The following COL24A1 variants were observed in gnomAD, a reference collection of about 807,000 sequenced individuals.
COL24A1 encodes collagen type XXIV alpha 1 chain, also known as collagen alpha-1(XXIV) chain.
Under a neutral mutation model 253.9 loss-of-function variants are expected in COL24A1, and 224 were observed. The observed-to-expected ratio is 0.88, with a 90% CI of 0.79 to 0.99. The LOEUF (loss-of-function observed/expected upper bound fraction) is 0.99. Ranked by LOEUF, COL24A1 falls within the 50% of genes least tolerant of loss-of-function variation. The probability of loss-of-function intolerance (pLI) is 0.00; values close to 1 mark genes in which losing one functional copy is unlikely to be tolerated. For synonymous variants in COL24A1, 685 were observed against 673.7 expected (o/e 1.02, Z -0.26); for missense variants, 2,131 against 2,068.5 (o/e 1.03, Z -0.59).
At chr1:86,013,523 G>T (rs1306159144) in intron 19 of COL24A1, among the ~76,000 whole-genome samples, 2 of 152,168 alleles carry the variant, frequency 1.3e-5, no homozygotes, top group Non-Finnish European at 2.9e-5. Context: ...TCAGGCAAAA[G>T]CCTCTTACAT....
chr1:85,778,069 C>CT (rs1553173095), intron 52 of COL24A1, among the ~76,000 whole-genome samples: 9 of 109,926 alleles, frequency 8.2e-5, no homozygotes, highest in Non-Finnish European at 1.2e-4. Flanking sequence ...ATCTATCTAT[C>CT]ATCTATCTCT....
intron 5 of COL24A1, among the ~76,000 whole-genome samples, chr1:86,108,613 T>G (rs1705220143): frequency 3.2e-5 from 2 of 61,558 alleles, no homozygotes; most frequent in African/African-American, 6.8e-5. Flanking sequence ...AGAAACCCCA[T>G]CTCTACTAAA....
chr1:85,814,911 G>A (rs539134399), intron 47 of COL24A1, among the ~76,000 whole-genome samples: 1 of 152,186 alleles, frequency 6.6e-6, no homozygotes, highest in African/African-American at 2.4e-5. Context: ...CTAATATCTG[G>A]ATTAGTAGTA....
chr1:86,131,541 G>A (rs1441897632), intron 2 of COL24A1, among the ~76,000 whole-genome samples: 1 of 134,610 alleles, frequency 7.4e-6, no homozygotes, highest in Non-Finnish European at 1.5e-5. Flanking sequence ...GCCCCAGTGT[G>A]TGATGTTCAC....
Position 86,017,222 on chromosome 1 carries a change from G to T in COL24A1, c.2257-18C>A. On this transcript the variant is annotated intron_variant, in intron 18 of 59. Coordinates refer to ENST00000370571, the MANE Select transcript of COL24A1 (RefSeq NM_152890.7). ...GTTTGGCCCTAAAATGGGGGGGGAG[G>T]ATCAAAGTATAAACATAAACTTAAT... 6.5e-7 allele frequency: 1 copy of T among 1,549,876 alleles called. No homozygotes were observed. The highest frequency in any genetic ancestry group is 1.2e-5 in the South Asian group (1 of 82,022).
rs143758206 is a variant in COL24A1 at position 85,841,241 on chromosome 1, G to A, written c.3608C>T (p.Pro1203Leu). 6.2e-7 allele frequency: 1 copy of A among 1,603,822 alleles called. No homozygotes were observed. The highest frequency in any genetic ancestry group is 2.3e-5 in the East Asian group (1 of 44,120). ...PGEDSTVLGP[P>L]GPRGEPGPVG... ...ACCTACTGGTTCACCTCGAGGCCCA[G>A]GTGGTCCTAGGACTGTGCTATCTTC... Residue 1203 changes from proline to leucine, a missense_variant, in exon 42 of 60, where the codon CCT becomes CTT. Physicochemically the swap from Pro to Leu is moderately conservative, Grantham distance 98. Transcript: ENST00000370571.
intron 28 of COL24A1, among the ~76,000 whole-genome samples, chr1:85,900,412 G>A (rs1011006523): frequency 7.9e-5 from 12 of 152,154 alleles, no homozygotes; most frequent in Non-Finnish European, 1.6e-4. Flanking sequence ...GCTGAGGAGG[G>A]AGGATCACTT....
At chr1:85,943,396 T>C (rs932400326) in intron 24 of COL24A1, among the ~76,000 whole-genome samples, 3 of 152,212 alleles carry the variant, frequency 2.0e-5, no homozygotes, top group Non-Finnish European at 4.4e-5. Context: ...TATATCTGTA[T>C]ATAACCTTAT....
At position 85,862,295 on chromosome 1, in the gene COL24A1, C is replaced by T. The variant is rs1258903013; in HGVS notation, c.3300+6224G>A. ...TTGGCTCATAGAAGGTACTCAAAAA[C>T]TTCATCGAATTCACAAATGAACACA... is the stretch of plus-strand genomic sequence containing the variant. On this transcript the variant is annotated intron_variant, in intron 37 of 59. Coordinates refer to ENST00000370571, the MANE Select transcript of COL24A1 (RefSeq NM_152890.7). 3.3e-5 allele frequency among the ~76,000 whole-genome samples: 5 copies of T among 152,136 alleles called. No individual in the cohort carries two copies. The East Asian group carries it at 9.6e-4, about 29-fold the overall frequency.
intron 31 of COL24A1, among the ~76,000 whole-genome samples, chr1:85,890,410 T>C (rs2102746001): frequency 2.2e-5 from 1 of 46,160 alleles, no homozygotes; most frequent in East Asian, 5.1e-4. Flanking sequence ...CACACAAATT[T>C]TCTTTTTTTT....
chr1:86,051,006 A>G (rs1479142951), intron 10 of COL24A1, among the ~76,000 whole-genome samples: 13 of 152,078 alleles, frequency 8.5e-5, no homozygotes, highest in Admixed American at 7.9e-4. Flanking sequence ...GAAGCTACTG[A>G]TTTTAGGGAG....
intron 47 of COL24A1, among the ~76,000 whole-genome samples, chr1:85,795,723 GATA>G (rs1349224016): frequency 9.2e-5 from 14 of 151,920 alleles, no homozygotes; most frequent in African/African-American, 3.1e-4. Flanking sequence ...TATGTGAGAA[GATA>G]ATAAGAAAAA....
chr1:85,967,064 G>C (rs928492663), intron 22 of COL24A1, among the ~76,000 whole-genome samples: 1 of 152,138 alleles, frequency 6.6e-6, no homozygotes, highest in African/African-American at 2.4e-5. Flanking sequence ...AAAAGGACAG[G>C]GTATGTAGTA....
At chr1:86,004,638 G>A (rs745665611) in intron 19 of COL24A1, among the ~76,000 whole-genome samples, 6 of 152,160 alleles carry the variant, frequency 3.9e-5, no homozygotes, top group Non-Finnish European at 5.9e-5. Context: ...AGGGGTGGAA[G>A]CAGGTATGGT....
At chr1:86,136,289 G>A (rs1436008570) in intron 2 of COL24A1, among the ~76,000 whole-genome samples, 1 of 151,996 alleles carries the variant, frequency 6.6e-6, no homozygotes, top group East Asian at 1.9e-4. Flanking sequence ...GTGTACAAGG[G>A]CTAAATGTAT....
intron 9 of COL24A1, among the ~76,000 whole-genome samples, chr1:86,058,401 A>G (rs1407261477): frequency 6.6e-6 from 1 of 151,114 alleles, no homozygotes; most frequent in African/African-American, 2.4e-5. Context: ...TATAACATAT[A>G]TTATCACTTG....
Position 85,783,678 on chromosome 1 carries a change from T to C in COL24A1, c.4222-120A>G, listed in dbSNP as rs994223857. 21 of 869,142 alleles carry C rather than the reference T, an allele frequency of 2.4e-5. No homozygotes were observed. In the African/African-American group the frequency reaches 3.4e-4, roughly 14 times the overall value. The allele number at this position is 869,142 out of a possible 1,614,324, so 53.8% of individuals were successfully genotyped here. A position where few individuals can be genotyped will look rare whatever the true frequency, so the allele number is the denominator to read the frequency against. On this transcript the variant is annotated intron_variant, in intron 50 of 59. Transcript: ENST00000370571. ...AAATGGAATATAATACTGTTGTGCATGCTGAAGAATTCAGAAGGAAGTGTA... is the reference window on the plus strand; with the variant it reads ...AAATGGAATATAATACTGTTGTGCACGCTGAAGAATTCAGAAGGAAGTGTA...
intron 47 of COL24A1, among the ~76,000 whole-genome samples, chr1:85,789,256 G>T (rs912589904): frequency 6.6e-6 from 1 of 151,998 alleles, no homozygotes; most frequent in African/African-American, 2.4e-5. Flanking sequence ...TTGTAGTACT[G>T]CTTGAAGAGG....
At chr1:85,965,690 T>C (rs1004064942) in intron 22 of COL24A1, among the ~76,000 whole-genome samples, 1 of 151,784 alleles carries the variant, frequency 6.6e-6, no homozygotes, top group Non-Finnish European at 1.5e-5. Flanking sequence ...CCTGGGGGAG[T>C]TGGCAGTTTG....
Sources: allele counts gnomAD v4.1 joint callset (sites outside exome capture counted in the v4.1 genomes callset), GRCh38; gene constraint gnomAD v4.1.1; transcripts MANE v1.5; gene names NCBI Gene and HGNC (gene_info 2026-07-23, HGNC 2026-07-21).